RHOU: variants seen among roughly 807,000 people sequenced by gnomAD.
RHOU encodes the protein ras homolog family member U, also known as rho-related GTP-binding protein RhoU.
RHOU carries 8 observed loss-of-function variants against 12.6 expected under a neutral mutation model. That is an observed-to-expected ratio of 0.64 (90% CI 0.37 to 1.15). RHOU has a LOEUF of 1.15. RHOU is among the 50% of genes most tolerant of loss of function. The pLI is 0.01. For missense variants in RHOU, 258 were observed against 347.0 expected, an observed-to-expected ratio of 0.74 and a Z score of 2.04; for synonymous variants, 161 against 147.4, an observed-to-expected ratio of 1.09 and a Z score of -0.67.
the RHOU span, among the ~76,000 whole-genome samples, chr1:228,647,067 G>T: frequency 6.6e-6 from 1 of 152,196 alleles, no homozygotes; most frequent in Non-Finnish European, 1.5e-5. Context: ...GAGAACGTTT[G>T]AGCCTTAGAG....
At chr1:228,711,947 T>C in the RHOU span, among the ~76,000 whole-genome samples, 1 of 138,140 alleles carries the variant, frequency 7.2e-6, no homozygotes, top group Non-Finnish European at 1.6e-5. Flanking sequence ...TACAATGAAC[T>C]CAAACAAATT....
the RHOU span, among the ~76,000 whole-genome samples, chr1:228,707,356 G>A: frequency 6.2e-5 from 9 of 145,378 alleles, no homozygotes; most frequent in African/African-American, 1.8e-4. Flanking sequence ...GAACAGCTCC[G>A]GTCTACAGCT....
chr1:228,663,759 C>T, the RHOU span, among the ~76,000 whole-genome samples: 5 of 149,876 alleles, frequency 3.3e-5, no homozygotes, highest in Admixed American at 1.3e-4. Flanking sequence ...CAGCCTCCCA[C>T]GTAGCTGGGA....
chr1:228,685,376 C>G, the RHOU span, among the ~76,000 whole-genome samples: 1 of 152,158 alleles, frequency 6.6e-6, no homozygotes, highest in Non-Finnish European at 1.5e-5. Context: ...ATGCCTCTGA[C>G]AGTAGGAATT....
chr1:228,726,938 T>C, the RHOU span, among the ~76,000 whole-genome samples: 1 of 152,228 alleles, frequency 6.6e-6, no homozygotes, highest in Non-Finnish European at 1.5e-5. Context: ...TAGGGTTGAT[T>C]GCATCCCCAT....
the RHOU span, among the ~76,000 whole-genome samples, chr1:228,703,418 C>T: frequency 6.6e-6 from 1 of 151,302 alleles, no homozygotes; most frequent in Non-Finnish European, 1.5e-5. Flanking sequence ...CCCAGCTACT[C>T]GGGAGGCTGA....
intron 2 of RHOU, among the ~76,000 whole-genome samples, chr1:228,740,705 C>G (rs532520584): frequency 2.6e-5 from 4 of 152,342 alleles, no homozygotes; most frequent in African/African-American, 9.6e-5. Flanking sequence ...ACTCCACTGA[C>G]CTCCACTTCA....
At chr1:228,651,708 A>T in the RHOU span, among the ~76,000 whole-genome samples, 2 of 152,236 alleles carry the variant, frequency 1.3e-5, no homozygotes, top group Non-Finnish European at 2.9e-5. Context: ...CTGCAGCAAC[A>T]TGGGAGAAAG....
chr1:228,649,000 A>C, the RHOU span, among the ~76,000 whole-genome samples: 1 of 151,998 alleles, frequency 6.6e-6, no homozygotes, highest in Non-Finnish European at 1.5e-5. Flanking sequence ...AGTACCTTGT[A>C]CTAAAGGCGC....
At chr1:228,688,515 C>T in the RHOU span, among the ~76,000 whole-genome samples, 7,571 of 152,232 alleles carry the variant, frequency 0.05, 648 homozygotes, top group African/African-American at 0.17. Context: ...TTAACCCCTC[C>T]TTCCATTCCT....
intron 1 of RHOU, among the ~76,000 whole-genome samples, chr1:228,736,326 T>C (rs1356804428): frequency 6.6e-6 from 1 of 150,678 alleles, no homozygotes; most frequent in Non-Finnish European, 1.5e-5. Flanking sequence ...ACAGGTTGAG[T>C]TCAGGGTGCC....
the RHOU span, among the ~76,000 whole-genome samples, chr1:228,666,508 T>C: frequency 6.6e-6 from 1 of 152,214 alleles, no homozygotes; most frequent in African/African-American, 2.4e-5. Context: ...TACAGTGATA[T>C]AGAACACTAG....
intron 2 of RHOU, among the ~76,000 whole-genome samples, chr1:228,740,666 G>T (rs1178348739): frequency 6.6e-6 from 1 of 152,208 alleles, no homozygotes; most frequent in African/African-American, 2.4e-5. Flanking sequence ...CTTCTAGGCA[G>T]TTGACATAAG....
At chr1:228,714,740 C>CTTTTTTTTTTTTTTTTTTTT in the RHOU span, among the ~76,000 whole-genome samples, 1 of 83,686 alleles carries the variant, frequency 1.2e-5, no homozygotes, top group Admixed American at 1.5e-4. Flanking sequence ...TGTTAATTAT[C>CTTTTTTTTTTTTTTTTTTTT]TTTTTTTTTT....
At chr1:228,657,440 G>T in the RHOU span, among the ~76,000 whole-genome samples, 1 of 151,884 alleles carries the variant, frequency 6.6e-6, no homozygotes, top group African/African-American at 2.4e-5. Context: ...ACAAAGAAGG[G>T]CATATATATT....
chr1:228,653,056 T>G, the RHOU span, among the ~76,000 whole-genome samples: 3 of 152,362 alleles, frequency 2.0e-5, no homozygotes, highest in South Asian at 6.2e-4. Context: ...ATTGGTTACA[T>G]TGCCATGACT....
rs1180932956 is a variant in RHOU, at chr1:228,745,641, C to T, written c.*1901C>T. 2 of 152,062 alleles carry T rather than the reference C, an allele frequency of 1.3e-5. No individual in the cohort carries two copies. Among genetic ancestry groups the T allele is most frequent in the East Asian group, 1.9e-4 (1 of 5,200 alleles). 9.4% of individuals were successfully genotyped at this position (152,062 alleles called of 1,614,324 possible). On this transcript the variant is annotated 3_prime_UTR_variant, in exon 3 of 3. Transcript: ENST00000366691. Reference sequence around the variant, plus strand: ...AGTTTCCTGAAGCATTTAGTTACAACCTGAAGGAATAAAATGATTTGTGGA... The same window carrying T: ...AGTTTCCTGAAGCATTTAGTTACAATCTGAAGGAATAAAATGATTTGTGGA...
rs1272727050 is a variant in RHOU, at chr1:228,737,643, C to A, written c.263-30C>A. On this transcript the variant is annotated intron_variant, in intron 1 of 2. Transcript: ENST00000366691. This position sits in a 1 kb window ranked among gnomAD's most constrained non-coding sequence, Gnocchi z 4.1. ...TTCCGAAAGGGGTTAAAAGACACCT[C>A]CTGATTGTCATTTTGGTTTTGTTTT... 1 of 1,611,088 alleles carries A rather than the reference C, an allele frequency of 6.2e-7. No homozygotes were observed. The highest frequency in any genetic ancestry group is 2.2e-5 in the East Asian group (1 of 44,868).
chr1:228,733,465 C>T (rs1311227502), upstream of RHOU, among the ~76,000 whole-genome samples: 1 of 152,220 alleles, frequency 6.6e-6, no homozygotes, highest in Admixed American at 6.5e-5. Flanking sequence ...AGTCACCACA[C>T]CTGGCTAATT....
Sources: gnomAD v4.1 joint callset for allele counts (sites outside exome capture counted in the v4.1 genomes callset) on GRCh38, gnomAD v4.1.1 for gene constraint, Gnocchi (gnomAD v3.1) non-coding constraint, MANE v1.5 for transcripts, NCBI Gene and HGNC (gene_info 2026-07-23, HGNC 2026-07-21) for gene names.